HCN1: variants seen among roughly 807,000 people sequenced by gnomAD.
HCN1 encodes the protein potassium/sodium hyperpolarization-activated cyclic nucleotide-gated channel 1.
HCN1 carries 13 observed loss-of-function variants against 78.9 expected under a neutral mutation model. The observed-to-expected ratio is 0.16, with a 90% CI of 0.11 to 0.26. The LOEUF (loss-of-function observed/expected upper bound fraction) is 0.26, where lower values mean the gene tolerates loss of function less well. HCN1 is among the 10% of genes least tolerant of loss of function. The pLI is 1.00. For synonymous variants in HCN1, 552 were observed against 455.5 expected (o/e 1.21, Z -2.70); for missense variants, 810 against 1,154.3 (o/e 0.70, Z 4.32).
chr5:45,396,359 T>A lies in HCN1; in HGVS notation c.1230+133A>T, dbSNP rs1477315034. 5.4e-6 allele frequency: 4 copies of A among 744,346 alleles called. No individual in the cohort carries two copies. The East Asian group carries it at 1.1e-4, about 20-fold the overall frequency. 46.1% of individuals were successfully genotyped at this position (744,346 alleles called of 1,614,324 possible). ...AACCTCAAAATATCAAAGAAGATAG[T>A]GTGTTTTTACTTTAAACATTTTATC... On this transcript the variant is annotated intron_variant, in intron 4 of 7. Coordinates refer to ENST00000303230, the MANE Select transcript of HCN1 (RefSeq NM_021072.4).
At chr5:45,653,702 T>C (rs1745718389) in intron 1 of HCN1, among the ~76,000 whole-genome samples, 2 of 151,816 alleles carry the variant, frequency 1.3e-5, no homozygotes, top group African/African-American at 4.8e-5. Context: ...AATACGACCA[T>C]AGGTGGGATT....
chr5:45,472,414 C>A (rs974535304), intron 2 of HCN1, among the ~76,000 whole-genome samples: 3 of 151,324 alleles, frequency 2.0e-5, no homozygotes, highest in Non-Finnish European at 4.4e-5. Flanking sequence ...AGATAGTGAG[C>A]CCTAGAGGTC....
intron 3 of HCN1, among the ~76,000 whole-genome samples, chr5:45,460,133 A>T (rs1741115789): frequency 6.6e-6 from 1 of 152,134 alleles, no homozygotes; most frequent in Non-Finnish European, 1.5e-5. Context: ...TCTGAATGTG[A>T]CTCCCAAAAT....
intron 6 of HCN1, among the ~76,000 whole-genome samples, chr5:45,302,206 G>C (rs1745641105): frequency 6.6e-6 from 1 of 152,034 alleles, no homozygotes; most frequent in Non-Finnish European, 1.5e-5. Context: ...GGTGGGACGT[G>C]GATCATGGTA....
At chr5:45,346,149 G>T (rs1000649415) in intron 5 of HCN1, among the ~76,000 whole-genome samples, 1 of 152,170 alleles carries the variant, frequency 6.6e-6, no homozygotes, top group Non-Finnish European at 1.5e-5. Flanking sequence ...AGAGCATGTG[G>T]TAACCATCCC....
chr5:45,595,172 C>A (rs1464098440), intron 2 of HCN1, among the ~76,000 whole-genome samples: 2 of 152,200 alleles, frequency 1.3e-5, no homozygotes, highest in East Asian at 3.9e-4. Context: ...AAGCTAAAAG[C>A]CTGAAGCCCT....
chr5:45,369,980 G>A (rs563269836), intron 4 of HCN1, among the ~76,000 whole-genome samples: 4 of 151,848 alleles, frequency 2.6e-5, no homozygotes, highest in African/African-American at 9.6e-5. Flanking sequence ...TGTGCTATAA[G>A]ACCTGATGTA....
At chr5:45,570,205 T>C (rs1478449412) in intron 2 of HCN1, among the ~76,000 whole-genome samples, 1 of 152,124 alleles carries the variant, frequency 6.6e-6, no homozygotes, top group African/African-American at 2.4e-5. Flanking sequence ...TCTTCCTTTG[T>C]TCCTCTCTCG....
At position 45,454,500 on chromosome 5, in the gene HCN1, T is replaced by TA. The variant is rs923456086; in HGVS notation, c.1011+7345dup. Among the ~76,000 whole-genome samples the TA allele has an allele frequency of 2.5e-3, 374 of 149,860 alleles. 1 individual carries two copies. The highest frequency in any genetic ancestry group is 3.9e-3 in the Non-Finnish European group (262 of 67,370). ...GGTCTTAAAAAAAAATAAAAAAAAA[T>TA]AAAAAAAAATAAAATCTTTCTGTTA... On this transcript the variant is annotated intron_variant, in intron 3 of 7. Coordinates refer to ENST00000303230, the MANE Select transcript of HCN1 (RefSeq NM_021072.4).
intron 2 of HCN1, among the ~76,000 whole-genome samples, chr5:45,589,969 GTCAA>G (rs905006440): frequency 6.6e-5 from 10 of 152,230 alleles, no homozygotes; most frequent in Admixed American, 5.2e-4. Flanking sequence ...TTTAGAAAAT[GTCAA>G]TCAGTCATCA....
At chr5:45,504,570 G>C (rs867625319) in intron 2 of HCN1, among the ~76,000 whole-genome samples, 4 of 152,244 alleles carry the variant, frequency 2.6e-5, no homozygotes, top group South Asian at 2.1e-4. Context: ...ACGTGTGCAT[G>C]TGTCTTTATA....
chr5:45,527,702 G>T (rs1253139502), intron 2 of HCN1, among the ~76,000 whole-genome samples: 2 of 151,672 alleles, frequency 1.3e-5, no homozygotes, highest in African/African-American at 4.8e-5. Context: ...TTTGAGCCCA[G>T]AAACTTCCTT....
intron 5 of HCN1, 139 bp from the exon 6 acceptor site, chr5:45,303,978 C>T (rs929362470): frequency 9.2e-5 from 73 of 789,756 alleles, no homozygotes; most frequent in Middle Eastern, 7.0e-4. Flanking sequence ...TCTAGTAATG[C>T]GCATCATATT....
intron 3 of HCN1, among the ~76,000 whole-genome samples, chr5:45,450,346 C>T (rs566772233): frequency 1.3e-5 from 2 of 152,264 alleles, no homozygotes; most frequent in East Asian, 1.9e-4. Flanking sequence ...TATATTCATA[C>T]ATTGATGGAA....
In HCN1 at chr5:45,317,993, G is replaced by T. The variant is rs190663231; in HGVS notation, c.1378-14154C>A. ...GACTGTAAACTAGTTCAACCATTGTGGAAGACAGTGTGGTGATTCCTCAAG... is the reference window on the plus strand; with the variant it reads ...GACTGTAAACTAGTTCAACCATTGTTGAAGACAGTGTGGTGATTCCTCAAG... On this transcript the variant is annotated intron_variant, in intron 5 of 7. Coordinates refer to ENST00000303230, the MANE Select transcript of HCN1 (RefSeq NM_021072.4). Among the ~76,000 whole-genome samples the T allele has an allele frequency of 1.6e-3, 251 of 152,274 alleles. 1 individual carries two copies. The highest frequency in any genetic ancestry group is 5.8e-3 in the African/African-American group (241 of 41,560).
intron 5 of HCN1, among the ~76,000 whole-genome samples, chr5:45,312,023 C>A (rs762296039): frequency 2.0e-5 from 3 of 152,180 alleles, no homozygotes; most frequent in Non-Finnish European, 4.4e-5. Context: ...CCAAGGTGTA[C>A]ATATATTTGT....
intron 2 of HCN1, among the ~76,000 whole-genome samples, chr5:45,471,543 T>C (rs1394264552): frequency 2.0e-5 from 3 of 151,938 alleles, no homozygotes; most frequent in Non-Finnish European, 4.4e-5. Flanking sequence ...TTTGTTTCCT[T>C]TTGTTTTATA....
At chr5:45,445,560 T>A (rs917489907) in intron 3 of HCN1, among the ~76,000 whole-genome samples, 4 of 152,198 alleles carry the variant, frequency 2.6e-5, no homozygotes, top group South Asian at 2.1e-4. Context: ...CAGCTGGAGA[T>A]CTGAGAATGG....
intron 4 of HCN1, among the ~76,000 whole-genome samples, chr5:45,357,675 T>G (rs779446249): frequency 7.2e-5 from 11 of 152,090 alleles, no homozygotes; most frequent in Non-Finnish European, 1.3e-4. Flanking sequence ...AGTAATGTCT[T>G]TGGTGACCTT....
Sources: allele counts gnomAD v4.1 joint callset (sites outside exome capture counted in the v4.1 genomes callset), GRCh38; gene constraint gnomAD v4.1.1; transcripts MANE v1.5; gene names NCBI Gene and HGNC (gene_info 2026-07-23, HGNC 2026-07-21).